The following KIAA1217 variants were observed in gnomAD, a reference collection of about 807,000 sequenced individuals.
KIAA1217 encodes KIAA1217.
KIAA1217 carries 88 observed loss-of-function variants against 163.9 expected under a neutral mutation model. The ratio of observed to expected loss-of-function variants is 0.54; its 90% CI spans 0.45 to 0.64. The LOEUF is 0.64. Ranked by LOEUF, KIAA1217 falls within the 30% of genes least tolerant of loss-of-function variation. The pLI, the probability that KIAA1217 is intolerant of heterozygous loss-of-function variation, is 0.00. For missense variants in KIAA1217, 2,372 were observed against 2,475.0 expected (o/e 0.96, Z 0.88); for synonymous variants, 903 against 923.1 (o/e 0.98, Z 0.39).
intron 2 of KIAA1217, among the ~76,000 whole-genome samples, chr10:24,153,398 G>A (rs770668828): frequency 6.6e-6 from 1 of 152,148 alleles, no homozygotes; most frequent in East Asian, 1.9e-4. Flanking sequence ...CATGTTCTGT[G>A]GTTACATGGT....
At chr10:24,186,653 G>A (rs1407787010) in intron 2 of KIAA1217, among the ~76,000 whole-genome samples, 1 of 152,074 alleles carries the variant, frequency 6.6e-6, no homozygotes, top group Non-Finnish European at 1.5e-5. Context: ...CACTTTGAGA[G>A]GCTGAGGCGG....
chr10:24,431,507 T>C (rs1198187957), intron 3 of KIAA1217, among the ~76,000 whole-genome samples: 1 of 152,136 alleles, frequency 6.6e-6, no homozygotes, highest in Non-Finnish European at 1.5e-5. Flanking sequence ...GGGAGACCAC[T>C]CCCAAGACGG....
intron 2 of KIAA1217, among the ~76,000 whole-genome samples, chr10:24,332,917 T>C (rs1376614854): frequency 6.6e-6 from 1 of 152,000 alleles, no homozygotes; most frequent in Admixed American, 6.6e-5. Flanking sequence ...GAATTTAGGA[T>C]CAGAGGTTAA....
intron 2 of KIAA1217, among the ~76,000 whole-genome samples, chr10:24,315,939 G>GA (rs58376013): frequency 1.4e-5 from 2 of 141,404 alleles, no homozygotes; most frequent in Admixed American, 7.0e-5. Context: ...TGGGGGGGGG[G>GA]AATCCAAGGA....
At chr10:24,284,283 T>TA (rs1394752162) in intron 2 of KIAA1217, among the ~76,000 whole-genome samples, 1 of 152,120 alleles carries the variant, frequency 6.6e-6, no homozygotes, top group Non-Finnish European at 1.5e-5. Flanking sequence ...TACAAGGGTA[T>TA]ACTGTATGAT....
intron 1 of KIAA1217, among the ~76,000 whole-genome samples, chr10:23,736,212 T>C (rs1352852934): frequency 3.9e-5 from 6 of 152,268 alleles, no homozygotes; most frequent in Admixed American, 3.3e-4. Context: ...GACATTCTCC[T>C]GTATGTTTAA....
At chr10:24,385,317 G>A (rs2053861181) in intron 3 of KIAA1217, among the ~76,000 whole-genome samples, 1 of 152,224 alleles carries the variant, frequency 6.6e-6, no homozygotes, top group African/African-American at 2.4e-5. Flanking sequence ...ATGCAGGAAG[G>A]CTGAGCATGG....
chr10:23,893,769 C>T, intron 1 of KIAA1217, among the ~76,000 whole-genome samples: 1 of 152,036 alleles, frequency 6.6e-6, no homozygotes, highest in Non-Finnish European at 1.5e-5. Flanking sequence ...AATCCAGCAG[C>T]ACATCAAAAA....
intron 1 of KIAA1217, among the ~76,000 whole-genome samples, chr10:24,006,634 CT>C (rs1391594757): frequency 1.3e-5 from 2 of 152,164 alleles, no homozygotes; most frequent in Admixed American, 6.5e-5. Context: ...AATCTTTAGG[CT>C]TCAAAATTCC....
intron 1 of KIAA1217, among the ~76,000 whole-genome samples, chr10:23,992,530 C>A (rs1190673923): frequency 6.6e-6 from 1 of 152,024 alleles, no homozygotes; most frequent in African/African-American, 2.4e-5. Context: ...AGGTTGAAGA[C>A]CCCCCAGGAT....
chr10:23,973,820 G>GA lies in KIAA1217; in HGVS notation c.-320-33396dup, dbSNP rs566455029. On this transcript the variant is annotated intron_variant, in intron 1 of 18. Transcript: ENST00000376462. ...TCCTATAGGACCACTTCTAGTCAAGGAAAAAAAAATATGACTTGGAAAAAA... is the reference window on the plus strand; with the variant it reads ...TCCTATAGGACCACTTCTAGTCAAGGAAAAAAAAAATATGACTTGGAAAAAA... 5.8e-4 allele frequency among the ~76,000 whole-genome samples: 86 copies of GA among 148,074 alleles called. 1 individual carries two copies. The South Asian group carries it at 0.014, about 23-fold the overall frequency.
chr10:24,315,004 A>G (rs2043176101), intron 2 of KIAA1217, among the ~76,000 whole-genome samples: 2 of 152,108 alleles, frequency 1.3e-5, no homozygotes, highest in African/African-American at 4.8e-5. Context: ...GAACCTACCC[A>G]TGTCTTTCGG....
At chr10:24,082,871 A>G (rs551876338) in intron 2 of KIAA1217, among the ~76,000 whole-genome samples, 1 of 152,298 alleles carries the variant, frequency 6.6e-6, no homozygotes, top group East Asian at 1.9e-4. Flanking sequence ...AACAGTGTAA[A>G]AGTGTTCCTA....
At chr10:24,088,256 C>CATACATATATATATATATATATATAT (rs1554861322) in intron 2 of KIAA1217, among the ~76,000 whole-genome samples, 1 of 95,852 alleles carries the variant, frequency 1.0e-5, no homozygotes, top group African/African-American at 3.4e-5. Flanking sequence ...TTTTAATATA[C>CATACATATATATATATATATATATAT]ATATATATAT....
intron 2 of KIAA1217, among the ~76,000 whole-genome samples, chr10:24,319,038 C>G (rs1424177240): frequency 6.6e-6 from 1 of 152,134 alleles, no homozygotes; most frequent in Admixed American, 6.6e-5. Context: ...GAGGTGGAGA[C>G]AGCAGAGAAG....
intron 1 of KIAA1217, among the ~76,000 whole-genome samples, chr10:23,750,040 G>A (rs1323366995): frequency 4.0e-5 from 6 of 148,806 alleles, no homozygotes; most frequent in African/African-American, 7.5e-5. Context: ...CCTTCCTCAC[G>A]TATCTTGATT....
chr10:24,070,755 A>C (rs577730879), intron 2 of KIAA1217, among the ~76,000 whole-genome samples: 1 of 152,300 alleles, frequency 6.6e-6, no homozygotes, highest in South Asian at 2.1e-4. Flanking sequence ...ACTCACTTTC[A>C]TTTGCACATT....
chr10:24,077,627 T>C (rs1403498896), intron 2 of KIAA1217, among the ~76,000 whole-genome samples: 1 of 152,220 alleles, frequency 6.6e-6, no homozygotes, highest in Non-Finnish European at 1.5e-5. Context: ...TTATGAATAG[T>C]GCTGCAGTGA....
At chr10:24,284,652 A>G (rs1414837010) in intron 2 of KIAA1217, among the ~76,000 whole-genome samples, 1 of 152,098 alleles carries the variant, frequency 6.6e-6, no homozygotes, top group East Asian at 1.9e-4. Flanking sequence ...GGTTGATTCC[A>G]TGTCTTTGCT....
Sources: gnomAD v4.1 joint callset for allele counts (sites outside exome capture counted in the v4.1 genomes callset) on GRCh38, gnomAD v4.1.1 for gene constraint, MANE v1.5 for transcripts, NCBI Gene and HGNC (gene_info 2026-07-23, HGNC 2026-07-21) for gene names.